DUS4L: variants seen among roughly 807,000 people sequenced by gnomAD.
DUS4L encodes the protein tRNA-dihydrouridine(20a/20b) synthase [NAD(P)+]-like.
In DUS4L, 31 loss-of-function variants were observed where a neutral mutation model predicts 33.8. The ratio of observed to expected loss-of-function variants is 0.92; its 90% CI spans 0.69 to 1.24. The LOEUF (loss-of-function observed/expected upper bound fraction) is 1.24. Among genes scored for constraint, DUS4L ranks in the 50% most tolerant of loss-of-function variants. The pLI, the probability that DUS4L is intolerant of heterozygous loss-of-function variation, is 0.00. For missense variants in DUS4L, 368 were observed against 388.6 expected, an observed-to-expected ratio of 0.95 and a Z score of 0.45; for synonymous variants, 103 against 120.3, an observed-to-expected ratio of 0.86 and a Z score of 0.94.
chr7:107,567,416 G>C (rs1453455352), intron 3 of DUS4L, among the ~76,000 whole-genome samples: 1 of 152,034 alleles, frequency 6.6e-6, no homozygotes, highest in Non-Finnish European at 1.5e-5. Flanking sequence ...AATGGTGGTG[G>C]TTGTAACTCC....
Position 107,576,360 on chromosome 7 carries a change from T to C in DUS4L, c.480-6T>C. The C allele has an allele frequency of 4.4e-6, 7 of 1,600,862 alleles. No homozygotes were observed. Among genetic ancestry groups the C allele is most frequent in the South Asian group, 3.4e-5 (3 of 87,648 alleles). On this transcript the variant is annotated splice_region_variant and splice_polypyrimidine_tract_variant and intron_variant, in intron 6 of 7. Coordinates refer to ENST00000265720, the MANE Select transcript of DUS4L (RefSeq NM_181581.3). The stretch of plus-strand genomic sequence containing the variant: ...TGAACAGATAAATGTAATTTTGAAA[T>C]TGTAGGATCCATGATGACCTTAAAA...
chr7:107,564,250 A>G, intron 1 of DUS4L, 41 bp downstream of exon 1: 1 of 566,744 alleles, frequency 1.8e-6, no homozygotes, highest in Non-Finnish European at 3.2e-6. Flanking sequence ...TCTGTGAAGC[A>G]AGTATTAAAC....
Position 107,577,368 on chromosome 7 carries a change from G to A in DUS4L, c.762G>A (p.Glu254=), listed in dbSNP as rs755964089. The change falls in exon 8 of 8, where the codon GAG becomes GAA. Residue 254 remains glutamate, a synonymous_variant. Transcript: ENST00000265720. The part of the protein sequence containing the change: ...LANPAMFAGY[E]ETPLKCIWDW... ...ACCCGGCCATGTTTGCTGGATATGA[G>A]GAAACCCCACTGAAATGCATCTGGG... is the stretch of plus-strand genomic sequence containing the variant. 3.1e-6 allele frequency: 5 copies of A among 1,613,968 alleles called. No individual in the cohort carries two copies. Among genetic ancestry groups the A allele is most frequent in the African/African-American group, 2.7e-5 (2 of 74,900 alleles).
chr7:107,567,965 A>G (rs992902264), intron 3 of DUS4L: 1 of 221,758 alleles, frequency 4.5e-6, no homozygotes, highest in African/African-American at 2.4e-5. Context: ...ATGTTGTAGC[A>G]TATATCAGAC....
chr7:107,576,206 G>C (rs894204702), intron 6 of DUS4L, among the ~76,000 whole-genome samples, 160 bp from the exon 7 acceptor site: 1 of 152,166 alleles, frequency 6.6e-6, no homozygotes, highest in Non-Finnish European at 1.5e-5. Flanking sequence ...TCTTGTGTAG[G>C]AACTGCTCCC....
At chr7:107,573,428 A>C (rs970547523) in intron 4 of DUS4L, among the ~76,000 whole-genome samples, 1 of 152,266 alleles carries the variant, frequency 6.6e-6, no homozygotes, top group Non-Finnish European at 1.5e-5. Context: ...GGAATGCAGT[A>C]AACTAATTCT....
rs1585004154 is a variant in DUS4L, at chr7:107,577,775, C to G, written c.*215C>G. The G allele has an allele frequency of 4.6e-6, 2 of 437,156 alleles. No homozygotes were observed. The highest frequency in any genetic ancestry group is 8.1e-6 in the Non-Finnish European group (2 of 246,170). The allele number at this position is 437,156 out of a possible 1,614,324, so 27.1% of individuals were successfully genotyped here. A position where few individuals can be genotyped will look rare whatever the true frequency, so the allele number is the denominator to read the frequency against. On this transcript the variant is annotated 3_prime_UTR_variant, in exon 8 of 8. Transcript: ENST00000265720. ...GAAATACACAGTTTAAAGAAAACTCCCAGTGGTTCAAACATCCTGATCATC... is the reference window on the plus strand; with the variant it reads ...GAAATACACAGTTTAAAGAAAACTCGCAGTGGTTCAAACATCCTGATCATC...
In DUS4L at chr7:107,573,832, A is replaced by G; in HGVS notation, c.356+11A>G. 6.7e-7 allele frequency: 1 copy of G among 1,489,742 alleles called. No homozygotes were observed. The allele number at this position is 1,489,742 out of a possible 1,614,324, so 92.3% of individuals were successfully genotyped here. ...TGGTTGCCCTCAGAGGTAAAGCTCAAAGAAGTTGGAAGAATTTTCCAAAAG... is the reference window on the plus strand; with the variant it reads ...TGGTTGCCCTCAGAGGTAAAGCTCAGAGAAGTTGGAAGAATTTTCCAAAAG... On this transcript the variant is annotated intron_variant, in intron 5 of 7. Transcript: ENST00000265720.
chr7:107,573,989 A>G (rs1805502648), intron 5 of DUS4L, 168 bp downstream of exon 5: 1 of 1,035,696 alleles, frequency 9.7e-7, no homozygotes, highest in African/African-American at 1.7e-5. Context: ...ATTTAGAAAC[A>G]TAAATTCAAA....
At chr7:107,577,169 C>A in intron 7 of DUS4L, 144 bp from the exon 8 acceptor site, 3 of 1,120,252 alleles carry the variant, frequency 2.7e-6, no homozygotes, top group Non-Finnish European at 3.7e-6. Flanking sequence ...CTTTTGTAAT[C>A]GGATTAAACA....
chr7:107,571,905 G>C lies in DUS4L; in HGVS notation c.238+639G>C, dbSNP rs543806665. ...TGACTTTATCCTTCAAAATTCCTAA[G>C]TTATTTTAAGTCCTTGAACATACAC... On this transcript the variant is annotated intron_variant, in intron 4 of 7. Coordinates refer to ENST00000265720, the MANE Select transcript of DUS4L (RefSeq NM_181581.3). Among the ~76,000 whole-genome samples the C allele has an allele frequency of 2.0e-5, 3 of 151,986 alleles. No individual in the cohort carries two copies. In the East Asian group the frequency reaches 5.8e-4, roughly 29 times the overall value.
chr7:107,566,966 AT>A (rs1320202959), intron 2 of DUS4L, 83 bp from the exon 3 acceptor site: 6 of 950,992 alleles, frequency 6.3e-6, no homozygotes, highest in Non-Finnish European at 7.6e-6. Flanking sequence ...TAAAAAATAT[AT>A]GTTGTTGGCA....
rs1243990152 is a variant in DUS4L at position 107,575,292 on chromosome 7, C to T, written c.461C>T (p.Ser154Leu). The T allele has an allele frequency of 6.2e-7, 1 of 1,611,210 alleles. No homozygotes were observed. Among genetic ancestry groups the T allele is most frequent in the Admixed American group, 1.7e-5 (1 of 59,360 alleles). ...VRNQVETPGF[S>L]VSIKIRIHDD... Reference sequence around the variant, plus strand: ...AATCAAGTGGAAACCCCTGGATTTTCAGTTTCTATTAAAATAAGGTAAAGA... The same window carrying T: ...AATCAAGTGGAAACCCCTGGATTTTTAGTTTCTATTAAAATAAGGTAAAGA... Residue 154 changes from serine to leucine, a missense_variant, in exon 6 of 8, where the codon TCA (serine) becomes TTA (leucine). Ser to Leu is a moderately radical substitution (Grantham distance 145, BLOSUM62 -2). Coordinates refer to ENST00000265720, the MANE Select transcript of DUS4L (RefSeq NM_181581.3).
At chr7:107,576,236 A>T in intron 6 of DUS4L, 130 bp from the exon 7 acceptor site, 1 of 881,408 alleles carries the variant, frequency 1.1e-6, no homozygotes, top group South Asian at 1.7e-5. Context: ...CCTTGCTGAT[A>T]ATGACATAGA....
At chr7:107,576,740 G>C (rs1433942589) in intron 7 of DUS4L, 148 bp downstream of exon 7, 1 of 725,498 alleles carries the variant, frequency 1.4e-6, no homozygotes, top group African/African-American at 1.8e-5. Context: ...TTATTAAAAT[G>C]ATGTTAAGTT....
In DUS4L at chr7:107,573,643, G is replaced by C. The variant is rs552215504; in HGVS notation, c.239-61G>C. The C allele has an allele frequency of 3.3e-6, 5 of 1,504,692 alleles. No homozygotes were observed. The South Asian group carries it at 5.3e-5, about 16-fold the overall frequency. 93.2% of individuals were successfully genotyped at this position (1,504,692 alleles called of 1,614,324 possible). Reference sequence around the variant, plus strand: ...TATCCTGTACAAACATTAAAGTTTGGTGTGTGTGTGCATGGGGTTTTTTCC... The same window carrying C: ...TATCCTGTACAAACATTAAAGTTTGCTGTGTGTGTGCATGGGGTTTTTTCC... On this transcript the variant is annotated intron_variant, in intron 4 of 7. Transcript: ENST00000265720.
At chr7:107,572,808 C>CA (rs528990655) in intron 4 of DUS4L, among the ~76,000 whole-genome samples, 52 of 150,300 alleles carry the variant, frequency 3.5e-4, no homozygotes, top group Admixed American at 4.6e-4. Context: ...GAGATTGTGC[C>CA]ACTGCACTCC....
intron 5 of DUS4L, chr7:107,574,927 C>G (rs1484636541): frequency 5.4e-5 from 23 of 429,268 alleles, no homozygotes; most frequent in Non-Finnish European, 8.2e-5. Context: ...ATATTTAAAC[C>G]TGTTTTGGTT....
At chr7:107,573,064 A>G (rs1461193813) in intron 4 of DUS4L, among the ~76,000 whole-genome samples, 1 of 152,232 alleles carries the variant, frequency 6.6e-6, no homozygotes, top group African/African-American at 2.4e-5. Context: ...AATGTTGGAT[A>G]TACACTGTAT....
Sources: allele counts gnomAD v4.1 joint callset (sites outside exome capture counted in the v4.1 genomes callset), GRCh38; gene constraint gnomAD v4.1.1; transcripts MANE v1.5; gene names NCBI Gene and HGNC (gene_info 2026-07-23, HGNC 2026-07-21).